SCARB2: variants seen among roughly 807,000 people sequenced by gnomAD.
SCARB2 encodes the protein lysosome membrane protein 2.
In SCARB2, 29 loss-of-function variants were observed where a neutral mutation model predicts 58.6. The ratio of observed to expected loss-of-function variants is 0.49; its 90% confidence interval spans 0.37 to 0.67. SCARB2 has a LOEUF of 0.67. SCARB2 is among the 30% of genes least tolerant of loss of function. The pLI, the probability that SCARB2 is intolerant of heterozygous loss-of-function variation, is 0.00. For synonymous variants in SCARB2, 195 were observed against 210.1 expected (o/e 0.93, Z 0.62); for missense variants, 488 against 578.5 (o/e 0.84, Z 1.60).
intron 1 of SCARB2, among the ~76,000 whole-genome samples, chr4:76,226,718 T>C (rs1578752007): frequency 6.6e-6 from 1 of 152,212 alleles, no homozygotes; most frequent in Admixed American, 6.5e-5. Context: ...TACTGGTCTG[T>C]TCAGAGTTTC....
chr4:76,176,566 G>T, intron 4 of SCARB2, 38 bp from the exon 5 acceptor site: 1 of 1,419,060 alleles, frequency 7.0e-7, no homozygotes, highest in South Asian at 1.2e-5. Context: ...AAGTAACTGT[G>T]ATAATTTTAT....
chr4:76,219,285 A>G (rs1446821753), intron 1 of SCARB2, among the ~76,000 whole-genome samples: 1 of 152,236 alleles, frequency 6.6e-6, no homozygotes, highest in East Asian at 1.9e-4. Context: ...ACTAGAATGG[A>G]GAGCCAGGAA....
At chr4:76,175,676 T>G in intron 6 of SCARB2, 115 bp downstream of exon 6, 2 of 1,233,536 alleles carry the variant, frequency 1.6e-6, no homozygotes, top group Non-Finnish European at 2.3e-6. Context: ...TTATCACTGA[T>G]TATGCATAAA....
intron 1 of SCARB2, among the ~76,000 whole-genome samples, chr4:76,221,164 G>GGAA (rs1435298856): frequency 6.6e-6 from 1 of 152,178 alleles, no homozygotes; most frequent in African/African-American, 2.4e-5. Flanking sequence ...TTGTGGCAGG[G>GGAA]GAAGGGGACA....
upstream of SCARB2, chr4:76,217,756 A>G (rs1337766440): frequency 2.0e-6 from 1 of 490,200 alleles, no homozygotes; most frequent in Non-Finnish European, 3.7e-6. Flanking sequence ...GCAAGGAGAT[A>G]CGGTGATCTC....
intron 1 of SCARB2, among the ~76,000 whole-genome samples, chr4:76,232,779 G>A (rs1248827537): frequency 6.6e-6 from 1 of 151,996 alleles, no homozygotes; most frequent in Non-Finnish European, 1.5e-5. Flanking sequence ...AGACAATTAT[G>A]AAACTTAAGT....
intron 2 of SCARB2, chr4:76,184,642 C>T (rs188523615): frequency 4.3e-4 from 96 of 224,420 alleles, no homozygotes; most frequent in African/African-American, 2.2e-3. Flanking sequence ...AAGAACCAGG[C>T]GTGGTGACAT....
At chr4:76,167,659 T>C (rs1732035726) in intron 9 of SCARB2, among the ~76,000 whole-genome samples, 1 of 127,710 alleles carries the variant, frequency 7.8e-6, no homozygotes, top group East Asian at 2.7e-4. Context: ...TTCCTTTCCT[T>C]TCCCTCCCTC....
chr4:76,197,970 G>A (rs909261379), intron 1 of SCARB2, among the ~76,000 whole-genome samples: 1 of 152,068 alleles, frequency 6.6e-6, no homozygotes, highest in Non-Finnish European at 1.5e-5. Flanking sequence ...CAAGGAGAAG[G>A]AATGGACACA....
chr4:76,200,052 G>A (rs952150814), intron 1 of SCARB2, among the ~76,000 whole-genome samples: 16 of 152,156 alleles, frequency 1.1e-4, no homozygotes, highest in Admixed American at 3.3e-4. Flanking sequence ...TCAAGACCGC[G>A]GACTGTCTGG....
In SCARB2 at chr4:76,163,035, C is replaced by CA. The variant is rs570048485; in HGVS notation, c.1398+189dup. On this transcript the variant is annotated intron_variant, in intron 11 of 11. Transcript: ENST00000264896. Reference sequence around the variant, plus strand: ...TATTAGATGGTACCTTCTAACCCTCCACCTTCTTTGACACACTTCCTTTGC... The same window carrying CA: ...TATTAGATGGTACCTTCTAACCCTCCAACCTTCTTTGACACACTTCCTTTGC... 355 of 687,290 alleles carry CA rather than the reference C, an allele frequency of 5.2e-4. 2 individuals carry two copies. The African/African-American group carries it at 5.5e-3, about 11-fold the overall frequency. 42.6% of individuals were successfully genotyped at this position (687,290 alleles called of 1,614,324 possible). A position where few individuals can be genotyped will look rare whatever the true frequency, so the allele number is the denominator to read the frequency against.
chr4:76,182,252 T>C (rs1025264409), intron 2 of SCARB2, among the ~76,000 whole-genome samples: 1 of 152,208 alleles, frequency 6.6e-6, no homozygotes, highest in Admixed American at 6.5e-5. Flanking sequence ...TCTGACATGG[T>C]AGCCACTAGT....
At chr4:76,181,933 T>G (rs1235792485) in intron 2 of SCARB2, among the ~76,000 whole-genome samples, 1 of 152,152 alleles carries the variant, frequency 6.6e-6, no homozygotes, top group South Asian at 2.1e-4. Context: ...AGAAAGTTCT[T>G]AGAAAGCGCC....
intron 1 of SCARB2, among the ~76,000 whole-genome samples, chr4:76,220,641 C>T (rs61433301): frequency 0.012 from 1,873 of 152,232 alleles, 37 homozygotes; most frequent in African/African-American, 0.043. Flanking sequence ...AGAATGAAGT[C>T]CTGATACATG....
chr4:76,221,554 A>C (rs1013541985), intron 1 of SCARB2, among the ~76,000 whole-genome samples: 1 of 152,138 alleles, frequency 6.6e-6, no homozygotes, highest in Non-Finnish European at 1.5e-5. Context: ...TCCTGACCTC[A>C]GGTGATCCAT....
At chr4:76,198,950 C>T (rs1192648342) in intron 1 of SCARB2, among the ~76,000 whole-genome samples, 1 of 151,920 alleles carries the variant, frequency 6.6e-6, no homozygotes, top group Non-Finnish European at 1.5e-5. Flanking sequence ...CAGCTGCTAA[C>T]ATTTCTAAAA....
upstream of SCARB2, chr4:76,214,482 C>T (rs1026497558): frequency 4.1e-5 from 15 of 362,050 alleles, no homozygotes; most frequent in Admixed American, 7.0e-5. Flanking sequence ...GAAGGAAGTT[C>T]CTTTTGACTG....
intron 1 of SCARB2, among the ~76,000 whole-genome samples, chr4:76,204,600 T>C (rs763779927): frequency 1.3e-5 from 2 of 152,060 alleles, no homozygotes; most frequent in South Asian, 2.1e-4. Context: ...CAGCTACCGA[T>C]AGAAACTTAA....
chr4:76,198,614 T>C (rs1732761797), intron 1 of SCARB2, among the ~76,000 whole-genome samples: 1 of 152,210 alleles, frequency 6.6e-6, no homozygotes, highest in South Asian at 2.1e-4. Flanking sequence ...TTCTCCTCTG[T>C]CTCCCTCCAC....
Sources: allele counts gnomAD v4.1 joint callset (sites outside exome capture counted in the v4.1 genomes callset), GRCh38; gene constraint gnomAD v4.1.1; transcripts MANE v1.5; gene names NCBI Gene and HGNC (gene_info 2026-07-23, HGNC 2026-07-21).